The following NPAS3 variants were observed in gnomAD, a reference collection of about 807,000 sequenced individuals.
NPAS3 encodes the protein neuronal PAS domain-containing protein 3.
NPAS3 carries 14 observed loss-of-function variants against 73.1 expected under a neutral mutation model. The observed-to-expected ratio is 0.19, with a 90% CI of 0.13 to 0.30. The LOEUF (loss-of-function observed/expected upper bound fraction) is 0.30, where lower values mean the gene tolerates loss of function less well. NPAS3 is among the 10% of genes least tolerant of loss of function. The pLI, the probability that NPAS3 is intolerant of heterozygous loss-of-function variation, is 1.00. For synonymous variants in NPAS3, 620 were observed against 541.5 expected (o/e 1.14, Z -2.01); for missense variants, 1,096 against 1,250.0 (o/e 0.88, Z 1.86).
At chr14:33,537,605 C>T (rs938897668) in intron 4 of NPAS3, among the ~76,000 whole-genome samples, 2 of 152,118 alleles carry the variant, frequency 1.3e-5, no homozygotes, top group Non-Finnish European at 2.9e-5. Flanking sequence ...CTGCGAGAGC[C>T]ATCGTGAGTG....
At chr14:33,802,501 C>T (rs1179577739), downstream of NPAS3, 1 of 151,940 alleles carries the variant, frequency 6.6e-6, no homozygotes, top group Non-Finnish European at 1.5e-5. Flanking sequence ...ATTCTTCTTC[C>T]ACTTCATTTT....
intron 5 of NPAS3, among the ~76,000 whole-genome samples, chr14:33,567,402 C>T (rs748256181): frequency 1.2e-4 from 18 of 152,100 alleles, no homozygotes; most frequent in Non-Finnish European, 2.6e-4. Context: ...TGTTGGATGT[C>T]GAACATATAA....
intron 4 of NPAS3, among the ~76,000 whole-genome samples, chr14:33,445,943 T>C (rs2049468518): frequency 6.6e-6 from 1 of 151,812 alleles, no homozygotes; most frequent in Non-Finnish European, 1.5e-5. Context: ...TTTTTTTTTT[T>C]TTTTTCAGAA....
intron 4 of NPAS3, among the ~76,000 whole-genome samples, chr14:33,467,355 T>C (rs769513010): frequency 3.3e-5 from 5 of 152,190 alleles, no homozygotes; most frequent in Non-Finnish European, 7.3e-5. Context: ...AAGAGCTTTC[T>C]CTCTCTCTTT....
intron 6 of NPAS3, among the ~76,000 whole-genome samples, chr14:33,692,786 G>GT (rs1340399948): frequency 7.5e-6 from 1 of 133,538 alleles, no homozygotes; most frequent in Non-Finnish European, 1.6e-5. Flanking sequence ...GAGCTTTGGG[G>GT]TTTTTTTAAA....
chr14:33,347,184 T>A (rs1467854503), intron 3 of NPAS3, among the ~76,000 whole-genome samples: 1 of 152,218 alleles, frequency 6.6e-6, no homozygotes, highest in Admixed American at 6.5e-5. Flanking sequence ...TTATTAACAA[T>A]CTTTTTACCT....
chr14:33,378,563 G>A (rs1360470633), intron 4 of NPAS3, among the ~76,000 whole-genome samples: 1 of 152,136 alleles, frequency 6.6e-6, no homozygotes, highest in Admixed American at 6.6e-5. Context: ...TTGAACCCCG[G>A]AGGTAGAGAC....
In NPAS3 at chr14:33,480,551, TCCTC is replaced by T. The variant is rs1307254736; in HGVS notation, c.469-79549_469-79546del. 3.6e-3 allele frequency among the ~76,000 whole-genome samples: 59 copies of T among 16,426 alleles called. 1 individual carries two copies. Among genetic ancestry groups the T allele is most frequent in the Admixed American group, 0.012 (17 of 1,388 alleles). 10.8% of individuals were successfully genotyped at this position (16,426 alleles called of 152,430 possible). A position where few individuals can be genotyped will look rare whatever the true frequency, so the allele number is the denominator to read the frequency against. On this transcript the variant is annotated intron_variant, in intron 4 of 11. Coordinates refer to ENST00000356141, the Ensembl canonical transcript of NPAS3. ...CCCCTCCCCGCCCCGCCCCCACCCTTCCTCCCTCCCTCCCTCCCTCCCTCTCTCT... is the reference window on the plus strand; with the variant it reads ...CCCCTCCCCGCCCCGCCCCCACCCTTCCTCCCTCCCTCCCTCCCTCTCTCT...
At chr14:33,382,638 G>T (rs573051148) in intron 4 of NPAS3, among the ~76,000 whole-genome samples, 1 of 152,280 alleles carries the variant, frequency 6.6e-6, no homozygotes, top group South Asian at 2.1e-4. Context: ...TGTAGATATT[G>T]TTCCTTCCCT....
At chr14:33,591,210 G>A (rs555150773) in intron 5 of NPAS3, among the ~76,000 whole-genome samples, 1 of 151,958 alleles carries the variant, frequency 6.6e-6, no homozygotes, top group South Asian at 2.1e-4. Flanking sequence ...TGCCTGTATG[G>A]GACTACAGGT....
chr14:33,634,468 A>C (rs2058461030), intron 5 of NPAS3, among the ~76,000 whole-genome samples: 1 of 152,196 alleles, frequency 6.6e-6, no homozygotes, highest in African/African-American at 2.4e-5. Flanking sequence ...TTGAAAGATG[A>C]TGCTGGAACC....
intron 1 of NPAS3, among the ~76,000 whole-genome samples, chr14:32,973,789 G>A (rs144198138): frequency 0.018 from 2,704 of 152,060 alleles, 85 homozygotes; most frequent in African/African-American, 0.056. Context: ...TGCCTGCCAC[G>A]GCCTCCCAGA....
chr14:33,208,397 ATTAAT>A (rs2046909546), intron 2 of NPAS3, among the ~76,000 whole-genome samples: 1 of 152,182 alleles, frequency 6.6e-6, no homozygotes, highest in Non-Finnish European at 1.5e-5. Context: ...GCTAAAACCA[ATTAAT>A]TTAATTATTA....
At chr14:33,120,559 GATTT>G (rs145532383) in intron 2 of NPAS3, among the ~76,000 whole-genome samples, 3,857 of 152,174 alleles carry the variant, frequency 0.025, 75 homozygotes, top group Middle Eastern at 0.037. Flanking sequence ...TTTTCATTGT[GATTT>G]ATTGAGAAAG....
intron 5 of NPAS3, among the ~76,000 whole-genome samples, chr14:33,618,516 T>C (rs893569064): frequency 6.6e-5 from 10 of 152,026 alleles, no homozygotes; most frequent in Admixed American, 1.3e-4. Context: ...TGACAGGAGG[T>C]GGAGCTCAGG....
chr14:33,124,535 T>A (rs1229158117), intron 2 of NPAS3, among the ~76,000 whole-genome samples: 1 of 152,126 alleles, frequency 6.6e-6, no homozygotes, highest in Admixed American at 6.6e-5. Context: ...AGAACAATAT[T>A]TGGCATGTCA....
At chr14:33,535,141 A>G (rs2054205642) in intron 4 of NPAS3, among the ~76,000 whole-genome samples, 1 of 152,204 alleles carries the variant, frequency 6.6e-6, no homozygotes, top group Non-Finnish European at 1.5e-5. Flanking sequence ...CGTAGTATTT[A>G]CTCAAATTCT....
intron 4 of NPAS3, among the ~76,000 whole-genome samples, chr14:33,452,477 TAA>T (rs1489089528): frequency 6.6e-6 from 1 of 152,044 alleles, no homozygotes; most frequent in Non-Finnish European, 1.5e-5. Flanking sequence ...TAGAGACTGA[TAA>T]AGACAAGTCA....
At chr14:33,008,435 G>A (rs547041323) in intron 1 of NPAS3, among the ~76,000 whole-genome samples, 2 of 152,130 alleles carry the variant, frequency 1.3e-5, no homozygotes, top group Non-Finnish European at 2.9e-5. Context: ...GAAGCTATAG[G>A]GGAGTGCATA....
Sources: gnomAD v4.1 joint callset for allele counts (sites outside exome capture counted in the v4.1 genomes callset) on GRCh38, gnomAD v4.1.1 for gene constraint, MANE v1.5 for transcripts, NCBI Gene and HGNC (gene_info 2026-07-23, HGNC 2026-07-21) for gene names.